The following LRRC45 variants were observed in gnomAD, a reference collection of about 807,000 sequenced individuals.
LRRC45 encodes leucine rich repeat containing 45, also known as leucine-rich repeat-containing protein 45.
LRRC45 carries 73 observed loss-of-function variants against 85.4 expected under a neutral mutation model. That is an observed-to-expected ratio of 0.85 (90% CI 0.71 to 1.04). The LOEUF is 1.04. LRRC45 is among the 50% of genes least tolerant of loss of function. The pLI, the probability that LRRC45 is intolerant of heterozygous loss-of-function variation, is 0.00. For synonymous variants in LRRC45, 429 were observed against 386.0 expected (o/e 1.11, Z -1.31); for missense variants, 937 against 883.3 (o/e 1.06, Z -0.77).
At chr17:82,027,532 TGAGGCCACGAGG>T in intron 7 of LRRC45, 88 bp downstream of exon 7, 1 of 1,582,072 alleles carries the variant, frequency 6.3e-7, no homozygotes, top group Non-Finnish European at 8.7e-7. Flanking sequence ...AGCCCACGAG[TGAGGCCACGAGG>T]AGGTCGCTGG....
At position 82,028,306 on chromosome 17, in the gene LRRC45, A is replaced by G; in HGVS notation, c.1120A>G (p.Asn374Asp). The G allele has an allele frequency of 6.3e-7, 1 of 1,595,012 alleles. No individual in the cohort carries two copies. The highest frequency in any genetic ancestry group is 8.5e-7 in the Non-Finnish European group (1 of 1,171,686). ...CAATGAAAAGAACCTGCTTCTGCAAAACCAGGTAGCTGTGGTGGATGGAGC... is the reference window on the plus strand; with the variant it reads ...CAATGAAAAGAACCTGCTTCTGCAAGACCAGGTAGCTGTGGTGGATGGAGC... ...AANEKNLLLQNQVDELERKFR... is the reference protein window; with the variant it reads ...AANEKNLLLQDQVDELERKFR... Residue 374 changes from asparagine to aspartate, a missense_variant, in exon 10 of 17, where the codon AAC becomes GAC. By Grantham distance (23) the Asn-to-Asp change is conservative. Transcript: ENST00000306688.
chr17:82,027,535 G>C lies in LRRC45; in HGVS notation c.833+91G>C, dbSNP rs912009816. On this transcript the variant is annotated intron_variant, in intron 7 of 16. Coordinates refer to ENST00000306688, the MANE Select transcript of LRRC45 (RefSeq NM_144999.4). Reference sequence around the variant, plus strand: ...GGGACCAACCTGAGCCCACGAGTGAGGCCACGAGGAGGTCGCTGGAGGCTC... The same window carrying C: ...GGGACCAACCTGAGCCCACGAGTGACGCCACGAGGAGGTCGCTGGAGGCTC... The C allele has an allele frequency of 1.8e-5, 29 of 1,579,594 alleles. No homozygotes were observed. The Admixed American group carries it at 4.4e-4, about 24-fold the overall frequency.
chr17:82,028,040 TGTC>T lies in LRRC45; in HGVS notation c.943_945del (p.Ser315del). 6.2e-7 allele frequency: 1 copy of T among 1,607,086 alleles called. No individual in the cohort carries two copies. Among genetic ancestry groups the T allele is most frequent in the South Asian group, 1.1e-5 (1 of 90,600 alleles). ...CAGATGACAGAGGCCGCCCTGGCTC[TGTC>T]GGAGCAGAAGGCCCAGGACCTGGGG... On this transcript the variant is annotated inframe_deletion, in exon 9 of 17. Transcript: ENST00000306688.
rs1471813390 is a variant in LRRC45, at chr17:82,028,367, G to T, written c.1126-30G>T. 1.9e-6 allele frequency: 3 copies of T among 1,610,114 alleles called. No homozygotes were observed. The African/African-American group carries it at 4.0e-5, about 21-fold the overall frequency. Reference sequence around the variant, plus strand: ...AGGGTGGGCGCGGCAGGGCTGGGCTGCAGCTTCCCTCCCTGGTGCCGGCTT... The same window carrying T: ...AGGGTGGGCGCGGCAGGGCTGGGCTTCAGCTTCCCTCCCTGGTGCCGGCTT... On this transcript the variant is annotated intron_variant, in intron 10 of 16. Transcript: ENST00000306688.
At chr17:82,024,647 A>G in intron 2 of LRRC45, 46 bp from the exon 3 acceptor site, 1 of 1,545,742 alleles carries the variant, frequency 6.5e-7, no homozygotes, top group Non-Finnish European at 8.7e-7. Flanking sequence ...GGGAATTCAG[A>G]GCCAGTCAGG....
chr17:82,027,422 G>A lies in LRRC45; in HGVS notation c.811G>A (p.Glu271Lys). 2 of 1,612,762 alleles carry A rather than the reference G, an allele frequency of 1.2e-6. No homozygotes were observed. The highest frequency in any genetic ancestry group is 1.1e-5 in the South Asian group (1 of 91,090). Residue 271 changes from glutamate to lysine, a missense_variant, in exon 7 of 17, where the codon GAA becomes AAA. Transcript: ENST00000306688. The part of the protein sequence containing the change: ...DLMETIDKQR[E>K]EMAKSSRASA... ...GATGGAGACTATTGATAAGCAGCGA[G>A]AAGAGATGGCCAAGAGCAGCAGGTG...
rs199704096 is a variant in LRRC45, at chr17:82,027,687, C to G, written c.847C>G (p.Arg283Gly). The G allele has an allele frequency of 4.8e-5, 77 of 1,610,406 alleles. No individual in the cohort carries two copies. Among genetic ancestry groups the G allele is most frequent in the Non-Finnish European group, 6.2e-5 (73 of 1,178,998 alleles). ...CTCTGCCCACAGGGCGTCGGCAGCC[C>G]GTGTAGGGCAGCTTCAGGAAGCCCT... ...MAKSSRASAA[R>G]VGQLQEALNE... Residue 283 changes from arginine to glycine, a missense_variant, in exon 8 of 17, where the codon CGT (arginine) becomes GGT (glycine). Transcript: ENST00000306688.
chr17:82,026,568 G>C (rs1198769337), intron 5 of LRRC45, among the ~76,000 whole-genome samples: 3 of 142,752 alleles, frequency 2.1e-5, no homozygotes, highest in African/African-American at 7.9e-5. Context: ...GCTCCTTTGT[G>C]TGTGTGTGTG....
intron 5 of LRRC45, among the ~76,000 whole-genome samples, chr17:82,026,501 G>A (rs1237768781): frequency 6.6e-6 from 1 of 152,104 alleles, no homozygotes; most frequent in Admixed American, 6.5e-5. Flanking sequence ...CAGCCGCTGG[G>A]TGCAGGGCTG....
intron 12 of LRRC45, 126 bp downstream of exon 12, chr17:82,028,809 G>A: frequency 9.1e-7 from 1 of 1,101,832 alleles, no homozygotes; most frequent in Non-Finnish European, 1.3e-6. Context: ...GCCGTATTTT[G>A]CCAGCCTGAG....
At position 82,028,441 on chromosome 17, in the gene LRRC45, G is replaced by A. The variant is rs144753610; in HGVS notation, c.1170G>A (p.Leu390=). 31 of 1,612,670 alleles carry A rather than the reference G, an allele frequency of 1.9e-5. No homozygotes were observed. In the African/African-American group the frequency reaches 2.9e-4, roughly 15 times the overall value. Residue 390 remains leucine (L), a synonymous_variant, in exon 11 of 17, where the codon CTG becomes CTA. Coordinates refer to ENST00000306688, the MANE Select transcript of LRRC45 (RefSeq NM_144999.4). ...ERKFRCQQEQ[L]FQTRQEMTSM... is the part of the protein sequence containing the mutation. ...AGTTCAGGTGTCAGCAGGAGCAGCT[G>A]TTCCAGACCAGGCAGGAGATGACCA... is the stretch of plus-strand genomic sequence containing the variant.
intron 10 of LRRC45, 35 bp from the exon 11 acceptor site, chr17:82,028,362 G>A (rs2043387133): frequency 1.2e-6 from 2 of 1,609,530 alleles, no homozygotes; most frequent in African/African-American, 1.3e-5. Context: ...CGGCAGGGCT[G>A]GGCTGCAGCT....
chr17:82,030,107 G>A lies in LRRC45; in HGVS notation c.1537G>A (p.Ala513Thr). 6.5e-7 allele frequency: 1 copy of A among 1,547,186 alleles called. No individual in the cohort carries two copies. Among genetic ancestry groups the A allele is most frequent in the Non-Finnish European group, 8.7e-7 (1 of 1,147,184 alleles). ...CCTGGAGGACAAGCTGAGACTGCTG[G>A]CGCAGGCACGGGACGAGGCGCAGGG... is the stretch of plus-strand genomic sequence containing the variant. ...AHLEDKLRLL[A>T]QARDEAQGAC... Residue 513 changes from alanine to threonine, a missense_variant, in exon 15 of 17, where the codon GCG becomes ACG. Ala to Thr is a moderately conservative substitution (Grantham distance 58). Coordinates refer to ENST00000306688, the MANE Select transcript of LRRC45 (RefSeq NM_144999.4).
chr17:82,030,641 G>A lies in LRRC45; in HGVS notation c.1849G>A (p.Asp617Asn). ...GAGCGACCACCGAGAGGCGCTGCTG[G>A]ACAGGGAGAGCGAGAACGCGTCTCT... ...MASDHREALLDRESENASLRE... is the reference protein window; with the variant it reads ...MASDHREALLNRESENASLRE... Residue 617 changes from aspartate (D) to asparagine (N), a missense_variant, in exon 17 of 17, where the codon GAC (aspartate) becomes AAC (asparagine). Physicochemically the swap from Asp to Asn is conservative, Grantham distance 23 (BLOSUM62 1). Transcript: ENST00000306688. The A allele has an allele frequency of 2.1e-6, 3 of 1,422,744 alleles. No homozygotes were observed. Among genetic ancestry groups the A allele is most frequent in the Non-Finnish European group, 2.8e-6 (3 of 1,085,224 alleles). The allele number at this position is 1,422,744 out of a possible 1,614,324, so 88.1% of individuals were successfully genotyped here. A position where few individuals can be genotyped will look rare whatever the true frequency, so the allele number is the denominator to read the frequency against.
chr17:82,029,939 G>T (rs2043402850), intron 14 of LRRC45, 126 bp from the exon 15 acceptor site: 2 of 1,238,366 alleles, frequency 1.6e-6, no homozygotes, highest in Admixed American at 5.5e-5. Context: ...CAGGGGAGCG[G>T]GTTCAGAGTC....
In LRRC45 at chr17:82,026,993, G is replaced by A. The variant is rs2043373570; in HGVS notation, c.756G>A (p.Arg252=). 2 of 1,602,008 alleles carry A rather than the reference G, an allele frequency of 1.2e-6. No individual in the cohort carries two copies. Among genetic ancestry groups the A allele is most frequent in the South Asian group, 1.1e-5 (1 of 89,420 alleles). Residue 252 remains arginine (R), a synonymous_variant, in exon 6 of 17, where the codon CGG becomes CGA. Coordinates refer to ENST00000306688, the MANE Select transcript of LRRC45 (RefSeq NM_144999.4). The stretch of plus-strand genomic sequence containing the variant: ...TCAGCAAGGAGGTCCAGCACCTCCG[G>A]GAGGAGAAGTCCAAGCAGGTGAGGA... ...HVLSKEVQHL[R]EEKSKQFLDL... is the part of the protein sequence containing the mutation.
In LRRC45 at chr17:82,024,819, G is replaced by A. The variant is rs375952981; in HGVS notation, c.353+56G>A. 7.3e-5 allele frequency: 111 copies of A among 1,529,044 alleles called. 1 individual carries two copies. In the African/African-American group the frequency reaches 7.9e-4, roughly 11 times the overall value. The allele number at this position is 1,529,044 out of a possible 1,614,324, so 94.7% of individuals were successfully genotyped here. On this transcript the variant is annotated intron_variant, in intron 3 of 16. Transcript: ENST00000306688. ...CTCTGTGTGGTTGAGGATTGGCCCC[G>A]AGCACATGCTTCTGCAGCCCAAGAG... is the stretch of plus-strand genomic sequence containing the variant.
intron 14 of LRRC45, 80 bp downstream of exon 14, chr17:82,029,715 G>A (rs973132622): frequency 8.1e-6 from 11 of 1,354,182 alleles, no homozygotes; most frequent in African/African-American, 4.3e-5. Flanking sequence ...CCAGAGCTTC[G>A]GTCTGAGTGG....
Position 82,030,834 on chromosome 17 carries a change from G to C in LRRC45, c.*29G>C. 1 of 1,314,682 alleles carries C rather than the reference G, an allele frequency of 7.6e-7. No individual in the cohort carries two copies. Among genetic ancestry groups the C allele is most frequent in the African/African-American group, 1.5e-5 (1 of 66,474 alleles). The allele number at this position is 1,314,682 out of a possible 1,614,324, so 81.4% of individuals were successfully genotyped here. A position where few individuals can be genotyped will look rare whatever the true frequency, so the allele number is the denominator to read the frequency against. On this transcript the variant is annotated 3_prime_UTR_variant, in exon 17 of 17. Transcript: ENST00000306688. ...AGGCCGGGAGGACCCGGGCGCAGTA[G>C]GAGTGCATCAGGCGGCGCCCGAGAT...
Sources: gnomAD v4.1 joint callset for allele counts (sites outside exome capture counted in the v4.1 genomes callset) on GRCh38, gnomAD v4.1.1 for gene constraint, MANE v1.5 for transcripts, NCBI Gene and HGNC (gene_info 2026-07-23, HGNC 2026-07-21) for gene names.